The following PHF20L1 variants were observed in gnomAD, a reference collection of about 807,000 sequenced individuals.
PHF20L1 encodes PHD finger protein 20 like 1.
Under a neutral mutation model 125.5 loss-of-function variants are expected in PHF20L1, and 44 were observed. The ratio of observed to expected loss-of-function variants is 0.35; its 90% CI spans 0.28 to 0.45. PHF20L1 has a LOEUF of 0.45. PHF20L1 is among the 20% of genes least tolerant of loss of function. PHF20L1 has a pLI of 1.00. For missense variants in PHF20L1, 1,012 were observed against 1,217.2 expected (o/e 0.83, Z 2.51); for synonymous variants, 380 against 403.1 (o/e 0.94, Z 0.69).
At chr8:132,781,776 A>G (rs1359777226) in intron 2 of PHF20L1, among the ~76,000 whole-genome samples, 4 of 152,184 alleles carry the variant, frequency 2.6e-5, no homozygotes, top group Admixed American at 1.3e-4. Context: ...TTATAGCTAC[A>G]TAAGAACACT....
In PHF20L1 at chr8:132,775,608, G is replaced by C. The variant is rs1233170632; in HGVS notation, c.-75G>C. 1 of 344,866 alleles carries C rather than the reference G, an allele frequency of 2.9e-6. No individual in the cohort carries two copies. The highest frequency in any genetic ancestry group is 5.2e-6 in the Non-Finnish European group (1 of 191,268). 21.4% of individuals were successfully genotyped at this position (344,866 alleles called of 1,614,324 possible). On this transcript the variant is annotated 5_prime_UTR_variant, in exon 1 of 21. Coordinates refer to ENST00000395386, the MANE Select transcript of PHF20L1 (RefSeq NM_016018.5). ...CCTGCTCGTGCCCCAGCTCGGCCCC[G>C]GACGGCCCGGCTGCTGTGCAGAGAG...
chr8:132,824,268 C>T, intron 13 of PHF20L1: 1 of 377,160 alleles, frequency 2.7e-6, no homozygotes, highest in East Asian at 4.0e-5. Flanking sequence ...TCAAGAGAGT[C>T]TCTTGCTTTC....
intron 9 of PHF20L1, among the ~76,000 whole-genome samples, chr8:132,814,063 G>A (rs1332522706): frequency 6.6e-6 from 1 of 151,400 alleles, no homozygotes; most frequent in Admixed American, 6.6e-5. Context: ...ATTTCATGAT[G>A]CATTGTGCTT....
At chr8:132,835,721 T>C (rs937136242) in intron 15 of PHF20L1, among the ~76,000 whole-genome samples, 36 of 152,266 alleles carry the variant, frequency 2.4e-4, no homozygotes, top group African/African-American at 8.7e-4. Flanking sequence ...TTTTAAGAAA[T>C]ACTGGTAAAG....
At chr8:132,803,743 A>G (rs1833364964) in intron 6 of PHF20L1, 76 bp from the exon 7 acceptor site, 2 of 752,508 alleles carry the variant, frequency 2.7e-6, no homozygotes, top group East Asian at 2.7e-5. Flanking sequence ...TGAAAATGTG[A>G]CACATATTTT....
intron 8 of PHF20L1, 119 bp from the exon 9 acceptor site, chr8:132,810,927 A>G (rs991055734): frequency 5.9e-5 from 41 of 700,366 alleles, no homozygotes; most frequent in Admixed American, 2.6e-4. Flanking sequence ...AACATTTGAG[A>G]TTACTTCCTA....
At chr8:132,799,204 GT>G (rs1469205940) in intron 6 of PHF20L1, 32 bp downstream of exon 6, 5 of 1,353,856 alleles carry the variant, frequency 3.7e-6, no homozygotes, top group Non-Finnish European at 5.2e-6. Flanking sequence ...ATTTTGTTTT[GT>G]TTTTCCTGGT....
intron 8 of PHF20L1, chr8:132,807,427 G>A (rs1266859276): frequency 5.8e-6 from 1 of 171,416 alleles, no homozygotes; most frequent in Non-Finnish European, 1.2e-5. Flanking sequence ...TCAGCAGTTG[G>A]TGCATGATCT....
chr8:132,843,168 A>T, intron 19 of PHF20L1: 1 of 1,070,294 alleles, frequency 9.3e-7, no homozygotes, highest in South Asian at 3.7e-5. Context: ...CATTGTATTC[A>T]AAACGAAAAT....
At chr8:132,843,609 G>GTA in intron 19 of PHF20L1, 2 of 811,448 alleles carry the variant, frequency 2.5e-6, no homozygotes, top group South Asian at 5.7e-5. Context: ...CGCACATTGT[G>GTA]TGTGTGTGTG....
rs1457326358 is a variant in PHF20L1 at position 132,802,776 on chromosome 8, T to C, written c.508-1043T>C. ...GGCAGTGTTAATCTACATTGTTCAT[T>C]GCTTAATTTTATTAACGTATTTTGC... On this transcript the variant is annotated intron_variant, in intron 6 of 20. Transcript: ENST00000395386. 4.0e-5 allele frequency among the ~76,000 whole-genome samples: 6 copies of C among 151,864 alleles called. 1 individual carries two copies. In the South Asian group the frequency reaches 1.0e-3, roughly 26 times the overall value.
chr8:132,819,910 A>C (rs923906140), intron 12 of PHF20L1, among the ~76,000 whole-genome samples: 1 of 151,904 alleles, frequency 6.6e-6, no homozygotes, highest in African/African-American at 2.4e-5. Context: ...AAATTGTTCA[A>C]CATGGTTAGG....
At chr8:132,782,325 A>C (rs1830520165) in intron 2 of PHF20L1, among the ~76,000 whole-genome samples, 1 of 152,242 alleles carries the variant, frequency 6.6e-6, no homozygotes, top group Admixed American at 6.5e-5. Context: ...AAATGGAAGC[A>C]GTATTACTGG....
chr8:132,805,628 A>G (rs1200308095), intron 8 of PHF20L1, among the ~76,000 whole-genome samples: 1 of 151,970 alleles, frequency 6.6e-6, no homozygotes, highest in African/African-American at 2.4e-5. Context: ...GTTGGCTTCA[A>G]CTTGAAGAAG....
In PHF20L1 at chr8:132,777,848, A is replaced by G; in HGVS notation, c.20A>G (p.Asn7Ser). The G allele has an allele frequency of 6.2e-7, 1 of 1,612,404 alleles. No individual in the cohort carries two copies. The highest frequency in any genetic ancestry group is 2.2e-5 in the East Asian group (1 of 44,826). ...CTCAAGATGAGTAAAAAGCCCCCAAATCGCCCTGGAATCACTTTTGAGATT... is the reference window on the plus strand; with the variant it reads ...CTCAAGATGAGTAAAAAGCCCCCAAGTCGCCCTGGAATCACTTTTGAGATT... The part of the protein sequence containing the change: MSKKPP[N>S]RPGITFEIGA... The change falls in exon 2 of 21, where the codon AAT becomes AGT. Residue 7 changes from asparagine (N) to serine (S), a missense_variant. This residue lies in a region of PHF20L1 where 94 missense variants were observed against 179.5 expected (regional missense o/e 0.52). Coordinates refer to ENST00000395386, the MANE Select transcript of PHF20L1 (RefSeq NM_016018.5).
intron 17 of PHF20L1, 153 bp from the exon 18 acceptor site, chr8:132,839,233 GC>G: frequency 1.6e-6 from 1 of 619,180 alleles, no homozygotes; most frequent in East Asian, 2.7e-5. Flanking sequence ...AGCTCTTCCT[GC>G]ACCAGTTCCT....
chr8:132,843,074 G>T, intron 19 of PHF20L1, 199 bp downstream of exon 19: 1 of 1,295,280 alleles, frequency 7.7e-7, no homozygotes, highest in Non-Finnish European at 9.8e-7. Context: ...TCCTAATTCA[G>T]AATTGTAGTA....
At chr8:132,802,756 T>C (rs1162939917) in intron 6 of PHF20L1, among the ~76,000 whole-genome samples, 1 of 151,886 alleles carries the variant, frequency 6.6e-6, no homozygotes, top group African/African-American at 2.4e-5. Context: ...TTTAAGGCAG[T>C]GTTAATCTAC....
In PHF20L1 at chr8:132,817,333, G is replaced by A. The variant is rs755729623; in HGVS notation, c.1373-6G>A. On this transcript the variant is annotated splice_polypyrimidine_tract_variant and splice_region_variant and intron_variant, in intron 11 of 20. Transcript: ENST00000395386. ...AATATTACATTACACTCTTTATTTT[G>A]TGTAGTGCCTGATGTTGCACATTTG... 6.2e-7 allele frequency: 1 copy of A among 1,606,770 alleles called. No homozygotes were observed. Among genetic ancestry groups the A allele is most frequent in the Non-Finnish European group, 8.5e-7 (1 of 1,174,110 alleles).
Sources: allele counts gnomAD v4.1 joint callset (sites outside exome capture counted in the v4.1 genomes callset), GRCh38; gene constraint gnomAD v4.1.1; regional missense constraint gnomAD v4.1.1; transcripts MANE v1.5; gene names NCBI Gene and HGNC (gene_info 2026-07-23, HGNC 2026-07-21).